Variants in SIGLEC1 observed in about 807,000 individuals in gnomAD.
The protein encoded by SIGLEC1 is sialoadhesin.
Under a neutral mutation model 148.0 loss-of-function variants are expected in SIGLEC1, and 132 were observed. The ratio of observed to expected loss-of-function variants is 0.89; its 90% CI spans 0.77 to 1.03. The LOEUF (loss-of-function observed/expected upper bound fraction) is 1.03, where lower values mean the gene tolerates loss of function less well. SIGLEC1 is among the 50% of genes least tolerant of loss of function. The probability of loss-of-function intolerance (pLI) is 0.00; values close to 1 mark genes in which losing one functional copy is unlikely to be tolerated. For missense variants in SIGLEC1, 2,253 were observed against 2,271.4 expected (o/e 0.99, Z 0.16); for synonymous variants, 945 against 969.0 (o/e 0.98, Z 0.46).
chr20:3,693,670 A>G lies in SIGLEC1; in HGVS notation c.3285T>C (p.Ala1095=). The G allele has an allele frequency of 6.2e-7, 1 of 1,601,584 alleles. No homozygotes were observed. Among genetic ancestry groups the G allele is most frequent in the Non-Finnish European group, 8.5e-7 (1 of 1,173,648 alleles). ...QAVNVQVWPG[A]TVREGQLVNL... ...TCACCAGCTGCCCCTCCCGCACGGT[A>G]GCCCCGGGCCACACCTGCACATTCA... is the stretch of plus-strand genomic sequence containing the variant. The change falls in exon 14 of 22, where the codon GCT becomes GCC. Residue 1095 remains alanine (A), a synonymous_variant. Coordinates refer to ENST00000344754, the MANE Select transcript of SIGLEC1 (RefSeq NM_023068.4).
chr20:3,692,815 C>G (rs1162424973), intron 15 of SIGLEC1, 43 bp from the exon 16 acceptor site: 2 of 1,601,318 alleles, frequency 1.2e-6, no homozygotes, highest in East Asian at 4.5e-5. Flanking sequence ...AGCCGGACAC[C>G]ACAGTGGGCT....
rs1390121921 is a variant in SIGLEC1, at chr20:3,696,900, G to A, written c.2381-12C>T. 1.9e-6 allele frequency: 3 copies of A among 1,542,032 alleles called. No individual in the cohort carries two copies. Among genetic ancestry groups the A allele is most frequent in the Non-Finnish European group, 2.6e-6 (3 of 1,147,418 alleles). On this transcript the variant is annotated splice_polypyrimidine_tract_variant and intron_variant, in intron 10 of 21. Coordinates refer to ENST00000344754, the MANE Select transcript of SIGLEC1 (RefSeq NM_023068.4). ...ACGGTCCGGGGGATCTGCAGGAACA[G>A]AGGGAGCTGAGGCCACCCAGCCTAG...
rs534646548 is a variant in SIGLEC1, at chr20:3,710,020, A to C, written c.-110+2450T>G. On this transcript the variant is annotated intron_variant, in intron 1 of 21. Coordinates refer to ENST00000344754, the MANE Select transcript of SIGLEC1 (RefSeq NM_023068.4). This position sits in a 1 kb window ranked among gnomAD's most constrained non-coding sequence, Gnocchi z 4.6. The stretch of plus-strand genomic sequence containing the variant: ...ATGTACCTAATGTCATGGGGTGTAC[A>C]CTTAAAGACAGTTAAAACAGTAAAT... 6.6e-5 allele frequency among the ~76,000 whole-genome samples: 10 copies of C among 152,366 alleles called. No homozygotes were observed. The highest frequency in any genetic ancestry group is 2.4e-4 in the African/African-American group (10 of 41,580).
rs1413256426 is a variant in SIGLEC1, at chr20:3,693,558, A to G, written c.3397T>C (p.Ser1133Pro). 7 of 1,612,438 alleles carry G rather than the reference A, an allele frequency of 4.3e-6. No individual in the cohort carries two copies. Among genetic ancestry groups the G allele is most frequent in the Non-Finnish European group, 5.9e-6 (7 of 1,179,510 alleles). Residue 1133 changes from serine (S) to proline (P), a missense_variant, in exon 14 of 22, where the codon TCC becomes CCC. Transcript: ENST00000344754. ...ACTGTGACGTTGGGCAGGGGGATGG[A>G]GTGGGCATCCAGGCGCTGCTGCCCA... ...QDGQQRLDAH[S>P]IPLPNVTVRD...
chr20:3,709,046 CAAAAA>C (rs375193019), intron 1 of SIGLEC1, among the ~76,000 whole-genome samples: 1 of 80,040 alleles, frequency 1.2e-5, no homozygotes, highest in Non-Finnish European at 2.3e-5. Flanking sequence ...TCTTCTGTCT[CAAAAA>C]AAAAAAAAAA....
At chr20:3,705,467 G>A (rs1276502193) in intron 4 of SIGLEC1, among the ~76,000 whole-genome samples, 1 of 152,150 alleles carries the variant, frequency 6.6e-6, no homozygotes, top group Non-Finnish European at 1.5e-5. Context: ...GAAGCTGCAT[G>A]GGAGCTCCTG....
In SIGLEC1 at chr20:3,688,337, T is replaced by G; in HGVS notation, c.*223A>C. 1.7e-6 allele frequency: 1 copy of G among 574,248 alleles called. No individual in the cohort carries two copies. The highest frequency in any genetic ancestry group is 3.2e-6 in the Non-Finnish European group (1 of 315,244). The allele number at this position is 574,248 out of a possible 1,614,324, so 35.6% of individuals were successfully genotyped here. On this transcript the variant is annotated 3_prime_UTR_variant, in exon 22 of 22. Transcript: ENST00000344754. ...AGAAGAGAGAGCGAGATCAGCTCAG[T>G]GCTCTTCAGTGTCCTCCAGGGTCAA...
At chr20:3,693,722 C>T (rs2146521148) in intron 13 of SIGLEC1, 24 bp from the exon 14 acceptor site, 1 of 1,552,190 alleles carries the variant, frequency 6.4e-7, no homozygotes, top group Non-Finnish European at 8.7e-7. Context: ...GGGCACAGGA[C>T]ACCAGTGAGG....
rs1043613759 is a variant in SIGLEC1 at position 3,705,954 on chromosome 20, A to G, written c.496T>C (p.Cys166Arg). The change falls in exon 4 of 22, where the codon TGC (cysteine) becomes CGC (arginine). Residue 166 changes from cysteine (C) to arginine (R), a missense_variant. Physicochemically the swap from Cys to Arg is radical, Grantham distance 180. Transcript: ENST00000344754. ...TGCAGTCTGACCTGCTCCTGCAGGC[A>G]TACGTAGGGAGTGGAGCAGTTGAAG... The part of the protein sequence containing the change: ...VDFNCSTPYV[C>R]LQEQVRLQWQ... 1.2e-6 allele frequency: 2 copies of G among 1,614,006 alleles called. No homozygotes were observed. Among genetic ancestry groups the G allele is most frequent in the Non-Finnish European group, 1.7e-6 (2 of 1,180,034 alleles).
In SIGLEC1 at chr20:3,688,343, TCAGTGTCCTC is replaced by T; in HGVS notation, c.*207_*216del. ...GAGAGCGAGATCAGCTCAGTGCTCT[TCAGTGTCCTC>T]CAGGGTCAACACCCTCCTGGGCAGA... On this transcript the variant is annotated 3_prime_UTR_variant, in exon 22 of 22. Coordinates refer to ENST00000344754, the MANE Select transcript of SIGLEC1 (RefSeq NM_023068.4). 1 of 588,484 alleles carries T rather than the reference TCAGTGTCCTC, an allele frequency of 1.7e-6. No individual in the cohort carries two copies. Among genetic ancestry groups the T allele is most frequent in the South Asian group, 1.8e-5 (1 of 55,194 alleles). The allele number at this position is 588,484 out of a possible 1,614,324, so 36.5% of individuals were successfully genotyped here.
intron 4 of SIGLEC1, 84 bp downstream of exon 4, chr20:3,705,660 G>GC: frequency 6.9e-7 from 1 of 1,454,208 alleles, no homozygotes; most frequent in South Asian, 1.3e-5. Context: ...CAAGGGTTCC[G>GC]TTTCTGTGGG....
chr20:3,705,706 T>C, intron 4 of SIGLEC1, 38 bp downstream of exon 4: 2 of 1,562,628 alleles, frequency 1.3e-6, no homozygotes, highest in South Asian at 1.2e-5. Context: ...GAGCAACAGA[T>C]GCGCTCAGCC....
intron 19 of SIGLEC1, 24 bp downstream of exon 19, chr20:3,689,938 G>C: frequency 6.3e-7 from 1 of 1,592,594 alleles, no homozygotes; most frequent in Non-Finnish European, 8.6e-7. Context: ...GAGTGGCCTG[G>C]GAGATGGAGC....
rs749709904 is a variant in SIGLEC1, at chr20:3,694,648, G to C, written c.2944+15C>G. ...CATTCCTTCCCCCACACCTGGATGG[G>C]ACAAAAGTCCTTACAGGACACGTGG... is the stretch of plus-strand genomic sequence containing the variant. On this transcript the variant is annotated intron_variant, in intron 12 of 21. Transcript: ENST00000344754. 1.2e-6 allele frequency: 2 copies of C among 1,605,528 alleles called. No homozygotes were observed. The highest frequency in any genetic ancestry group is 1.7e-6 in the Non-Finnish European group (2 of 1,174,878).
chr20:3,701,468 T>TACC lies in SIGLEC1; in HGVS notation c.1399_1401dup (p.Gly467dup), dbSNP rs2087850816. On this transcript the variant is annotated inframe_insertion, in exon 7 of 22. Coordinates refer to ENST00000344754, the MANE Select transcript of SIGLEC1 (RefSeq NM_023068.4). ...AGGCGCAGGGAGTTGGGACCAGAGG[T>TACC]ACCACTGAAGCGTGGGCTGTGATCA... 1.2e-6 allele frequency: 2 copies of TACC among 1,613,946 alleles called. No individual in the cohort carries two copies. Among genetic ancestry groups the TACC allele is most frequent in the Non-Finnish European group, 1.7e-6 (2 of 1,180,022 alleles).
chr20:3,693,319 G>T, intron 14 of SIGLEC1, 128 bp downstream of exon 14: 1 of 1,214,638 alleles, frequency 8.2e-7, no homozygotes, highest in Non-Finnish European at 1.1e-6. Flanking sequence ...AATGCTCCTT[G>T]CCCAGTGCTC....
chr20:3,693,820 TG>T, intron 13 of SIGLEC1, 122 bp from the exon 14 acceptor site: 1 of 1,056,140 alleles, frequency 9.5e-7, no homozygotes, highest in Non-Finnish European at 1.3e-6. Context: ...TTGGGAGCCT[TG>T]GGTGGCCCAC....
In SIGLEC1 at chr20:3,701,540, C is replaced by G. The variant is rs749458139; in HGVS notation, c.1330G>C (p.Val444Leu). 2 of 1,613,722 alleles carry G rather than the reference C, an allele frequency of 1.2e-6. No individual in the cohort carries two copies. The highest frequency in any genetic ancestry group is 1.7e-6 in the Non-Finnish European group (2 of 1,179,846). The change falls in exon 7 of 22, where the codon GTG becomes CTG. Residue 444 changes from valine (V) to leucine (L), a missense_variant. By Grantham distance (32) the Val-to-Leu change is conservative (BLOSUM62 1). Coordinates refer to ENST00000344754, the MANE Select transcript of SIGLEC1 (RefSeq NM_023068.4). ...SVVSEPLATLVLSHGGHILAS... is the reference protein window; with the variant it reads ...SVVSEPLATLLLSHGGHILAS... ...AGGATATGACCCCCATGTGACAGCA[C>G]CAGTGTGGCCAGGGGCTCACTGACC...
chr20:3,701,742 C>A, intron 6 of SIGLEC1, 101 bp from the exon 7 acceptor site: 1 of 1,197,016 alleles, frequency 8.4e-7, no homozygotes, highest in Non-Finnish European at 1.1e-6. Context: ...TCCCACACTG[C>A]CCTGTGAGAA....
Sources: allele counts gnomAD v4.1 joint callset (sites outside exome capture counted in the v4.1 genomes callset), GRCh38; gene constraint gnomAD v4.1.1; non-coding constraint Gnocchi (gnomAD v3.1); transcripts MANE v1.5; gene names NCBI Gene and HGNC (gene_info 2026-07-23, HGNC 2026-07-21).